Variants in PDE4B observed in about 807,000 individuals in gnomAD.
PDE4B encodes the protein phosphodiesterase 4B.
A neutral mutation model predicts 82.2 loss-of-function variants in PDE4B; 20 were observed. That is an observed-to-expected ratio of 0.24 (90% confidence interval 0.17 to 0.35). PDE4B has a LOEUF of 0.35. PDE4B is among the 10% of genes least tolerant of loss of function. PDE4B has a pLI of 1.00. For synonymous variants in PDE4B, 320 were observed against 318.9 expected (o/e 1.00, Z -0.04); for missense variants, 655 against 907.2 (o/e 0.72, Z 3.57).
rs971943205 is a variant in PDE4B at position 66,338,924 on chromosome 1, C to T, written c.747+6304C>T. Among the ~76,000 whole-genome samples the T allele has an allele frequency of 4.7e-5, 7 of 147,828 alleles. 2 individuals are homozygous for T. Among genetic ancestry groups the T allele is most frequent in the Admixed American group, 6.9e-5 (1 of 14,558 alleles). On this transcript the variant is annotated intron_variant, in intron 8 of 16. Coordinates refer to ENST00000341517, the MANE Select transcript of PDE4B (RefSeq NM_002600.4). ...GTCCCAGCTACTTGGGAGGCTGAGG[C>T]AGGAGAATGGCGTGAACCCGGGAGG...
rs149296594 is a variant in PDE4B, at chr1:66,361,844, C to T, written c.1020+51C>T. 3.5e-3 allele frequency: 4,892 copies of T among 1,411,246 alleles called. 17 individuals carry two copies. Among genetic ancestry groups the T allele is most frequent in the Non-Finnish European group, 4.2e-3 (4,267 of 1,019,962 alleles). The allele number at this position is 1,411,246 out of a possible 1,614,324, so 87.4% of individuals were successfully genotyped here. Reference sequence around the variant, plus strand: ...ATGTAGCTCTCTGCTTTACAGCAGACGGATGACCGTATACCTTTTAGAAAA... The same window carrying T: ...ATGTAGCTCTCTGCTTTACAGCAGATGGATGACCGTATACCTTTTAGAAAA... On this transcript the variant is annotated intron_variant, in intron 10 of 16. Coordinates refer to ENST00000341517, the MANE Select transcript of PDE4B (RefSeq NM_002600.4).
At chr1:66,162,823 A>G (rs1646644636) in intron 3 of PDE4B, among the ~76,000 whole-genome samples, 2 of 152,184 alleles carry the variant, frequency 1.3e-5, no homozygotes, top group Non-Finnish European at 2.9e-5. Flanking sequence ...GTGGTGCTGG[A>G]CGTTTGATAA....
chr1:65,878,054 C>T (rs944231038), intron 1 of PDE4B, among the ~76,000 whole-genome samples: 1 of 151,830 alleles, frequency 6.6e-6, no homozygotes, highest in Non-Finnish European at 1.5e-5. Flanking sequence ...AAAAAACAAC[C>T]TATCAAAAAG....
chr1:65,888,049 T>C (rs573207441), intron 1 of PDE4B, among the ~76,000 whole-genome samples: 2 of 152,260 alleles, frequency 1.3e-5, no homozygotes, highest in Admixed American at 6.5e-5. Context: ...GTGTTTCTCC[T>C]TTGTTTTCTT....
At chr1:66,307,812 A>G (rs1658389364) in intron 7 of PDE4B, among the ~76,000 whole-genome samples, 1 of 152,032 alleles carries the variant, frequency 6.6e-6, no homozygotes, top group Admixed American at 6.6e-5. Flanking sequence ...TGTTGTTTTT[A>G]AATTACTGTT....
intron 3 of PDE4B, among the ~76,000 whole-genome samples, chr1:65,925,186 C>T (rs1647429783): frequency 6.6e-6 from 1 of 152,132 alleles, no homozygotes; most frequent in Non-Finnish European, 1.5e-5. Context: ...TTTGCTCATG[C>T]TTTTAAAAAA....
At chr1:66,183,784 T>A (rs1461457021) in intron 3 of PDE4B, among the ~76,000 whole-genome samples, 3 of 152,166 alleles carry the variant, frequency 2.0e-5, no homozygotes, top group African/African-American at 4.8e-5. Flanking sequence ...ATACATAAGA[T>A]ATAGTTGTCA....
intron 1 of PDE4B, among the ~76,000 whole-genome samples, chr1:65,812,398 C>G (rs1279932269): frequency 6.6e-6 from 1 of 152,176 alleles, no homozygotes; most frequent in Admixed American, 6.5e-5. Flanking sequence ...ATCAGCTGCT[C>G]AAAGGCAGCA....
intron 3 of PDE4B, among the ~76,000 whole-genome samples, chr1:66,135,788 G>C (rs745824225): frequency 1.4e-4 from 22 of 152,086 alleles, no homozygotes; most frequent in Admixed American, 7.2e-4. Context: ...GTCAATTTTT[G>C]CTCTCCAATA....
Position 65,949,646 on chromosome 1 carries a change from T to G in PDE4B, c.281+30811T>G, listed in dbSNP as rs556018973. On this transcript the variant is annotated intron_variant, in intron 3 of 16. Transcript: ENST00000341517. ...TTTTCTGCTTTACCTGTCCCAACACTTTTGATCAGGTTATGCTGAGATTTT... is the reference window on the plus strand; with the variant it reads ...TTTTCTGCTTTACCTGTCCCAACACGTTTGATCAGGTTATGCTGAGATTTT... Among the ~76,000 whole-genome samples the G allele has an allele frequency of 3.3e-5, 5 of 152,214 alleles. No homozygotes were observed. The East Asian group carries it at 9.7e-4, about 29-fold the overall frequency.
intron 3 of PDE4B, among the ~76,000 whole-genome samples, chr1:66,096,653 C>T (rs1645127229): frequency 1.3e-5 from 2 of 150,400 alleles, no homozygotes; most frequent in African/African-American, 4.9e-5. Context: ...ATTAATCTTA[C>T]TTTTTTACTT....
intron 3 of PDE4B, among the ~76,000 whole-genome samples, chr1:65,940,872 T>C (rs1648408648): frequency 6.6e-6 from 1 of 152,050 alleles, no homozygotes; most frequent in South Asian, 2.1e-4. Context: ...ATAAATATAG[T>C]ATTAATACTT....
intron 3 of PDE4B, among the ~76,000 whole-genome samples, chr1:66,143,589 A>ACC (rs1223771522): frequency 6.6e-6 from 1 of 152,182 alleles, no homozygotes; most frequent in African/African-American, 2.4e-5. Context: ...TGCTGGGCAT[A>ACC]CCTCCTTATG....
rs376087998 is a variant in PDE4B at position 66,147,980 on chromosome 1, A to G, written c.282-99480A>G. 1.9e-4 allele frequency among the ~76,000 whole-genome samples: 29 copies of G among 152,282 alleles called. 3 individuals are homozygous for G. The highest frequency in any genetic ancestry group is 9.2e-4 in the Admixed American group (14 of 15,298). On this transcript the variant is annotated intron_variant, in intron 3 of 16. Transcript: ENST00000341517. ...ATTTCATCTGTATCATTAAAAGAATACATTCTTGGGCCAGGCATGGTGGCT... is the reference window on the plus strand; with the variant it reads ...ATTTCATCTGTATCATTAAAAGAATGCATTCTTGGGCCAGGCATGGTGGCT...
intron 9 of PDE4B, among the ~76,000 whole-genome samples, chr1:66,358,113 C>A (rs906629214): frequency 5.9e-5 from 9 of 152,096 alleles, no homozygotes; most frequent in Non-Finnish European, 7.4e-5. Context: ...AGTCCAATTC[C>A]CTCATTTTAT....
chr1:65,988,361 G>A (rs1365552486), intron 3 of PDE4B, among the ~76,000 whole-genome samples: 1 of 152,004 alleles, frequency 6.6e-6, no homozygotes, highest in Non-Finnish European at 1.5e-5. Flanking sequence ...TTGCAATTTG[G>A]GGGTTGCTGT....
At chr1:65,943,492 T>C (rs1031792739) in intron 3 of PDE4B, among the ~76,000 whole-genome samples, 1 of 152,026 alleles carries the variant, frequency 6.6e-6, no homozygotes, top group African/African-American at 2.4e-5. Context: ...GGGAATTCTA[T>C]GGTTCCAAAC....
chr1:66,233,403 T>G (rs1027551722), intron 3 of PDE4B, among the ~76,000 whole-genome samples: 2 of 148,048 alleles, frequency 1.4e-5, no homozygotes, highest in East Asian at 3.9e-4. Flanking sequence ...TTGTTTCCAG[T>G]TTTTTTTTTA....
intron 3 of PDE4B, among the ~76,000 whole-genome samples, chr1:66,198,180 GC>G (rs1403957772): frequency 6.6e-6 from 1 of 152,064 alleles, no homozygotes; most frequent in Non-Finnish European, 1.5e-5. Flanking sequence ...ATTCTGCAAG[GC>G]CCCGTTCCCT....
Sources: allele counts gnomAD v4.1 joint callset (sites outside exome capture counted in the v4.1 genomes callset), GRCh38; gene constraint gnomAD v4.1.1; transcripts MANE v1.5; gene names NCBI Gene and HGNC (gene_info 2026-07-23, HGNC 2026-07-21).